SP4: variants seen among roughly 807,000 people sequenced by gnomAD.
SP4 encodes Sp4 transcription factor.
In SP4, 19 loss-of-function variants were observed where a neutral mutation model predicts 72.8. That is an observed-to-expected ratio of 0.26 (90% CI 0.18 to 0.38). SP4 has a LOEUF of 0.38. Ranked by LOEUF, SP4 falls within the 10% of genes least tolerant of loss-of-function variation. The probability of loss-of-function intolerance (pLI) is 1.00; values close to 1 mark genes in which losing one functional copy is unlikely to be tolerated. For missense variants in SP4, 1,008 were observed against 926.3 expected (o/e 1.09, Z -1.14); for synonymous variants, 395 against 333.1 (o/e 1.19, Z -2.02).
At chr7:21,502,436 T>C (rs972039461) in intron 5 of SP4, among the ~76,000 whole-genome samples, 2 of 152,046 alleles carry the variant, frequency 1.3e-5, no homozygotes, top group African/African-American at 2.4e-5. Context: ...CTCTCCACAA[T>C]GCGGGAAAGA....
At chr7:21,475,094 C>G (rs551118084) in intron 3 of SP4, among the ~76,000 whole-genome samples, 1 of 151,690 alleles carries the variant, frequency 6.6e-6, no homozygotes, top group Non-Finnish European at 1.5e-5. Context: ...TAACCTCCCC[C>G]ACCCTTTTTT....
intron 4 of SP4, among the ~76,000 whole-genome samples, chr7:21,481,107 A>G (rs758601454): frequency 3.9e-5 from 6 of 152,174 alleles, no homozygotes; most frequent in Admixed American, 2.0e-4. Context: ...GTCAAGGGCA[A>G]CCTGGACCCC....
chr7:21,428,562 G>A (rs1173425777), intron 1 of SP4, 115 bp from the exon 2 acceptor site: 1 of 1,097,390 alleles, frequency 9.1e-7, no homozygotes, highest in East Asian at 2.6e-5. Flanking sequence ...GTGGATCGCG[G>A]GTTTATGGAG....
At chr7:21,463,851 G>C (rs1784078071) in intron 3 of SP4, among the ~76,000 whole-genome samples, 1 of 152,100 alleles carries the variant, frequency 6.6e-6, no homozygotes, top group South Asian at 2.1e-4. Flanking sequence ...AGATTTATTT[G>C]ATCTTTATCA....
intron 5 of SP4, among the ~76,000 whole-genome samples, chr7:21,499,897 CTT>C (rs1323253891): frequency 6.6e-6 from 1 of 152,148 alleles, no homozygotes; most frequent in Non-Finnish European, 1.5e-5. Context: ...ATAACTGACT[CTT>C]GATAGGTGCT....
At chr7:21,464,581 A>ATTTTTTTTT (rs11299447) in intron 3 of SP4, among the ~76,000 whole-genome samples, 1 of 142,322 alleles carries the variant, frequency 7.0e-6, no homozygotes, top group African/African-American at 2.6e-5. Context: ...TCTATTTTCT[A>ATTTTTTTTT]TTTTTTTTTT....
intron 5 of SP4, among the ~76,000 whole-genome samples, chr7:21,484,517 A>C (rs1178453735): frequency 1.3e-5 from 2 of 151,924 alleles, no homozygotes; most frequent in Non-Finnish European, 2.9e-5. Flanking sequence ...ATTATAGTAA[A>C]GCTCTGAATT....
rs921794820 is a variant in SP4, at chr7:21,444,384, A to T, written c.1678+13541A>T. On this transcript the variant is annotated intron_variant, in intron 3 of 5. Transcript: ENST00000222584. ...TTATAGTATACCAGATAATGCATGC[A>T]GCACTTGATCTATTAACTTATTTAA... is the stretch of plus-strand genomic sequence containing the variant. Among the ~76,000 whole-genome samples, 4 of 152,258 alleles carry T rather than the reference A, an allele frequency of 2.6e-5. No individual in the cohort carries two copies. In the East Asian group the frequency reaches 7.7e-4, roughly 29 times the overall value.
chr7:21,444,868 C>A (rs1447176363), intron 3 of SP4, among the ~76,000 whole-genome samples: 1 of 152,058 alleles, frequency 6.6e-6, no homozygotes, highest in East Asian at 1.9e-4. Flanking sequence ...TACAGCTAAC[C>A]ACTACTACTT....
intron 3 of SP4, among the ~76,000 whole-genome samples, chr7:21,474,089 C>T (rs146542677): frequency 5.5e-4 from 84 of 152,186 alleles, no homozygotes; most frequent in African/African-American, 1.9e-3. Flanking sequence ...AAGAAATGCT[C>T]ACAATATGGA....
intron 1 of SP4, among the ~76,000 whole-genome samples, 160 bp from the exon 2 acceptor site, chr7:21,428,517 C>T (rs1336750638): frequency 6.6e-6 from 1 of 152,196 alleles, no homozygotes; most frequent in Admixed American, 6.5e-5. Context: ...CCCCTCCTCC[C>T]TTCCCTCCTT....
intron 5 of SP4, among the ~76,000 whole-genome samples, chr7:21,485,518 C>G (rs1784791185): frequency 2.6e-5 from 4 of 151,950 alleles, no homozygotes. Context: ...TGTCATGTAT[C>G]TAAATCATAT....
intron 3 of SP4, among the ~76,000 whole-genome samples, chr7:21,438,404 T>C (rs1783120041): frequency 6.6e-6 from 1 of 152,214 alleles, no homozygotes; most frequent in Non-Finnish European, 1.5e-5. Context: ...CCATTTTTTT[T>C]CATAGAGGCT....
chr7:21,462,005 A>G (rs542897696), intron 3 of SP4, among the ~76,000 whole-genome samples: 26 of 151,126 alleles, frequency 1.7e-4, no homozygotes, highest in African/African-American at 6.1e-4. Context: ...AGTTTCATTT[A>G]TAAAGCAGTG....
intron 3 of SP4, among the ~76,000 whole-genome samples, chr7:21,455,827 A>G (rs1027161845): frequency 3.9e-5 from 6 of 152,158 alleles, no homozygotes; most frequent in African/African-American, 1.4e-4. Flanking sequence ...AGTGACTCTC[A>G]CTTGCAGCAT....
At position 21,465,160 on chromosome 7, in the gene SP4, A is replaced by ATTTCTCAAATAATACAC. The variant is rs778628415; in HGVS notation, c.1679-11919_1679-11918insTTTCTCAAATAATACAC. Among the ~76,000 whole-genome samples, 103 of 152,330 alleles carry ATTTCTCAAATAATACAC rather than the reference A, an allele frequency of 6.8e-4. 1 individual carries two copies. Among genetic ancestry groups the ATTTCTCAAATAATACAC allele is most frequent in the Non-Finnish European group, 3.4e-4 (23 of 68,032 alleles). On this transcript the variant is annotated intron_variant, in intron 3 of 5. Transcript: ENST00000222584. ...TTAGAATAAATAGAAATAACTAGGT[A>ATTTCTCAAATAATACAC]CCAAAGAGGGTGTATATCTTTGTTT...
intron 5 of SP4, among the ~76,000 whole-genome samples, chr7:21,495,693 C>T (rs1002244814): frequency 6.6e-6 from 1 of 152,098 alleles, no homozygotes; most frequent in South Asian, 2.1e-4. Context: ...ACTAGTTTGG[C>T]ATTTTCTTAT....
intron 5 of SP4, among the ~76,000 whole-genome samples, chr7:21,502,040 ACCC>A (rs55723306): frequency 4.3e-4 from 31 of 72,324 alleles, no homozygotes; most frequent in East Asian, 1.1e-3. Flanking sequence ...TTCATTAGGC[ACCC>A]CCCCCCCCCC....
intron 1 of SP4, 84 bp downstream of exon 1, chr7:21,428,342 C>G (rs1444656631): frequency 2.7e-6 from 2 of 732,852 alleles, no homozygotes; most frequent in Non-Finnish European, 5.0e-6. Flanking sequence ...TCTCCCCCCT[C>G]CCCCGGGGCC....
Sources: gnomAD v4.1 joint callset for allele counts (sites outside exome capture counted in the v4.1 genomes callset) on GRCh38, gnomAD v4.1.1 for gene constraint, MANE v1.5 for transcripts, NCBI Gene and HGNC (gene_info 2026-07-23, HGNC 2026-07-21) for gene names.